The following SLC38A3 variants were observed in gnomAD, a reference collection of about 807,000 sequenced individuals.
The protein encoded by SLC38A3 is solute carrier family 38 member 3.
In SLC38A3, 17 loss-of-function variants were observed where a neutral mutation model predicts 59.5. That is an observed-to-expected ratio of 0.29 (90% CI 0.20 to 0.43). SLC38A3 has a LOEUF of 0.43. SLC38A3 is among the 20% of genes least tolerant of loss of function. The pLI, the probability that SLC38A3 is intolerant of heterozygous loss-of-function variation, is 1.00. For synonymous variants in SLC38A3, 238 were observed against 260.3 expected, an observed-to-expected ratio of 0.91 and a Z score of 0.82; for missense variants, 454 against 653.9, an observed-to-expected ratio of 0.69 and a Z score of 3.33.
chr3:50,214,566 G>A lies in SLC38A3; in HGVS notation c.183+83G>A. The A allele has an allele frequency of 1.4e-6, 2 of 1,472,616 alleles. No individual in the cohort carries two copies. Among genetic ancestry groups the A allele is most frequent in the Non-Finnish European group, 1.9e-6 (2 of 1,072,670 alleles). The allele number at this position is 1,472,616 out of a possible 1,614,324, so 91.2% of individuals were successfully genotyped here. On this transcript the variant is annotated intron_variant, in intron 3 of 15. Coordinates refer to ENST00000614032, the MANE Select transcript of SLC38A3 (RefSeq NM_006841.6). This position sits in a 1 kb window ranked among gnomAD's most constrained non-coding sequence, Gnocchi z 6.0. ...GAGGTGGTCTCTGGCAGCAGTGGGAGGCTGAGGGACAGTCAGGGGAAGGCT... is the reference window on the plus strand; with the variant it reads ...GAGGTGGTCTCTGGCAGCAGTGGGAAGCTGAGGGACAGTCAGGGGAAGGCT...
In SLC38A3 at chr3:50,215,791, A is replaced by G. The variant is rs1699808829; in HGVS notation, c.518A>G (p.Gln173Arg). 6.3e-7 allele frequency: 1 copy of G among 1,592,930 alleles called. No homozygotes were observed. Among genetic ancestry groups the G allele is most frequent in the Admixed American group, 1.8e-5 (1 of 56,652 alleles). ...AAGTCTGAGCTGCCACTTGTCATAC[A>G]GACCTTCCTGAACCTGGAGGAGAAA... ...IIKSELPLVI[Q>R]TFLNLEEKTS... is the part of the protein sequence containing the mutation. Residue 173 changes from glutamine to arginine, a missense_variant, in exon 7 of 16, where the codon CAG becomes CGG. Physicochemically the swap from Gln to Arg is conservative, Grantham distance 43 (BLOSUM62 1). Around this residue, in one of 3 missense-constraint regions of SLC38A3, gnomAD observed 390 missense variants for 557.9 expected, o/e 0.70. Transcript: ENST00000614032. This position sits in a 1 kb window ranked among gnomAD's most constrained non-coding sequence, Gnocchi z 7.1.
Position 50,214,136 on chromosome 3 carries a change from G to A in SLC38A3, c.-51-13G>A, listed in dbSNP as rs1699779637. On this transcript the variant is annotated splice_polypyrimidine_tract_variant and intron_variant, in intron 1 of 15. Coordinates refer to ENST00000614032, the MANE Select transcript of SLC38A3 (RefSeq NM_006841.6). The surrounding 1 kb of genome is among the most constrained non-coding windows in gnomAD (Gnocchi z 6.0). ...AGTAACGGGGCTAACCAGAGGGACC[G>A]GCTGCTCTGCAGACATCTGACTGTT... 4 of 1,508,956 alleles carry A rather than the reference G, an allele frequency of 2.7e-6. No homozygotes were observed. Among genetic ancestry groups the A allele is most frequent in the Non-Finnish European group, 3.6e-6 (4 of 1,096,502 alleles). 93.5% of individuals were successfully genotyped at this position (1,508,956 alleles called of 1,614,324 possible). A position where few individuals can be genotyped will look rare whatever the true frequency, so the allele number is the denominator to read the frequency against.
rs1699883730 is a variant in SLC38A3 at position 50,220,633 on chromosome 3, C to T, written c.*456C>T. On this transcript the variant is annotated 3_prime_UTR_variant, in exon 16 of 16. Coordinates refer to ENST00000614032, the MANE Select transcript of SLC38A3 (RefSeq NM_006841.6). ...CCACTTGTTTTCCCCCCTTTTATTC[C>T]CTAGGCCCTTTTCAGACTCCTGGGC... 5.0e-6 allele frequency: 1 copy of T among 200,448 alleles called. No individual in the cohort carries two copies. The highest frequency in any genetic ancestry group is 2.3e-5 in the African/African-American group (1 of 43,464). The allele number at this position is 200,448 out of a possible 1,614,324, so 12.4% of individuals were successfully genotyped here.
Position 50,214,168 on chromosome 3 carries a change from A to T in SLC38A3, c.-32A>T. ...CTGCAGACATCTGACTGTTGGTGTG[A>T]GACCAGTGCTCCTGGTGGTGTGCCC... On this transcript the variant is annotated 5_prime_UTR_variant, in exon 2 of 16. Coordinates refer to ENST00000614032, the MANE Select transcript of SLC38A3 (RefSeq NM_006841.6). The surrounding 1 kb of genome is among the most constrained non-coding windows in gnomAD (Gnocchi z 6.0). The T allele has an allele frequency of 6.3e-7, 1 of 1,588,126 alleles. No individual in the cohort carries two copies. The highest frequency in any genetic ancestry group is 2.2e-5 in the East Asian group (1 of 44,680).
intron 1 of SLC38A3, among the ~76,000 whole-genome samples, chr3:50,206,858 A>C (rs962764101): frequency 3.9e-5 from 6 of 152,176 alleles, no homozygotes; most frequent in Admixed American, 6.5e-5. Context: ...TGGTCCCCAC[A>C]CCAGTCCAGG....
Position 50,219,934 on chromosome 3 carries a change from C to T in SLC38A3, c.1360C>T (p.Arg454Ter). 6 of 1,613,464 alleles carry T rather than the reference C, an allele frequency of 3.7e-6. No individual in the cohort carries two copies. The highest frequency in any genetic ancestry group is 1.1e-5 in the South Asian group (1 of 90,922). ...CATCTTCCCTGCCATCTTCTACTTC[C>T]GAATCATGCCCACGGAGAAGGAGCC... ...IFIFPAIFYF[R>*]IMPTEKEPAR... is the part of the protein sequence containing the mutation. Residue 454 changes from arginine to a stop codon, truncating the protein, a stop_gained, in exon 15 of 16, where the codon CGA becomes TGA. Coordinates refer to ENST00000614032, the MANE Select transcript of SLC38A3 (RefSeq NM_006841.6). LOFTEE classifies it high-confidence loss of function.
In SLC38A3 at chr3:50,214,875, G is replaced by A. The variant is rs1432051567; in HGVS notation, c.299+107G>A. Reference sequence around the variant, plus strand: ...CTGTCCCAGCATCCAGGCTGCAGTGGGTGGGCACTTCTTACACTAACAAAC... The same window carrying A: ...CTGTCCCAGCATCCAGGCTGCAGTGAGTGGGCACTTCTTACACTAACAAAC... On this transcript the variant is annotated intron_variant, in intron 4 of 15. Coordinates refer to ENST00000614032, the MANE Select transcript of SLC38A3 (RefSeq NM_006841.6). The surrounding 1 kb of genome is among the most constrained non-coding windows in gnomAD (Gnocchi z 6.0). 2 of 748,094 alleles carry A rather than the reference G, an allele frequency of 2.7e-6. No homozygotes were observed. The highest frequency in any genetic ancestry group is 1.8e-5 in the African/African-American group (1 of 56,178). 46.3% of individuals were successfully genotyped at this position (748,094 alleles called of 1,614,324 possible). A position where few individuals can be genotyped will look rare whatever the true frequency, so the allele number is the denominator to read the frequency against.
intron 1 of SLC38A3, among the ~76,000 whole-genome samples, chr3:50,208,191 C>T (rs1176704110): frequency 6.6e-6 from 1 of 152,148 alleles, no homozygotes; most frequent in African/African-American, 2.4e-5. Context: ...ACTGCCCCCT[C>T]AGCTGGGCCC....
intron 1 of SLC38A3, among the ~76,000 whole-genome samples, chr3:50,208,777 G>A (rs1030831192): frequency 1.4e-4 from 22 of 152,166 alleles, no homozygotes; most frequent in South Asian, 4.1e-4. Context: ...ACCCTGGGCC[G>A]CTGCATCTCT....
chr3:50,209,101 C>T (rs1699687355), intron 1 of SLC38A3, among the ~76,000 whole-genome samples: 1 of 152,220 alleles, frequency 6.6e-6, no homozygotes. Flanking sequence ...GCAGGGTCTC[C>T]CCTGCCCCTG....
intron 1 of SLC38A3, among the ~76,000 whole-genome samples, chr3:50,211,994 A>T (rs1363432933): frequency 6.6e-6 from 1 of 152,186 alleles, no homozygotes; most frequent in Non-Finnish European, 1.5e-5. Context: ...TGTCTCTTCC[A>T]GGCTGGAGGT....
rs143416058 is a variant in SLC38A3 at position 50,218,606 on chromosome 3, G to A, written c.1050G>A (p.Ser350=). The A allele has an allele frequency of 2.2e-5, 35 of 1,612,926 alleles. No individual in the cohort carries two copies. The highest frequency in any genetic ancestry group is 3.3e-5 in the Admixed American group (2 of 60,018). ...TGCCTGCCACAGACGGGGTGGAGTCGGAGCTGCTGCACACCTACAGCAAGG... is the reference window on the plus strand; with the variant it reads ...TGCCTGCCACAGACGGGGTGGAGTCAGAGCTGCTGCACACCTACAGCAAGG... ...GYLTFYNGVE[S]ELLHTYSKVD... Residue 350 remains serine (S), a synonymous_variant, in exon 13 of 16, where the codon TCG becomes TCA. Coordinates refer to ENST00000614032, the MANE Select transcript of SLC38A3 (RefSeq NM_006841.6). This position sits in a 1 kb window ranked among gnomAD's most constrained non-coding sequence, Gnocchi z 5.8.
At chr3:50,216,139 C>G (rs1314243458) in intron 7 of SLC38A3, among the ~76,000 whole-genome samples, 1 of 152,218 alleles carries the variant, frequency 6.6e-6, no homozygotes, top group Non-Finnish European at 1.5e-5. Flanking sequence ...TAGCTCTAAG[C>G]GCCTGCTATT....
At chr3:50,212,623 C>G (rs571825750) in intron 1 of SLC38A3, among the ~76,000 whole-genome samples, 1 of 152,288 alleles carries the variant, frequency 6.6e-6, no homozygotes, top group African/African-American at 2.4e-5. Flanking sequence ...ATCCAGGTGC[C>G]AGAATCTGAA....
intron 14 of SLC38A3, among the ~76,000 whole-genome samples, 155 bp from the exon 15 acceptor site, chr3:50,219,726 A>T (rs1275317079): frequency 6.6e-6 from 1 of 152,138 alleles, no homozygotes; most frequent in Non-Finnish European, 1.5e-5. Context: ...AACAAGGGGG[A>T]GAGGCTGGTG....
chr3:50,213,973 T>C (rs923344036), intron 1 of SLC38A3, among the ~76,000 whole-genome samples, 176 bp from the exon 2 acceptor site: 1 of 152,016 alleles, frequency 6.6e-6, no homozygotes, highest in Non-Finnish European at 1.5e-5. Context: ...GGAACTCAGG[T>C]GTCTGAGCTG....
In SLC38A3 at chr3:50,218,246, A is replaced by T; in HGVS notation, c.936-24A>T. ...CAATGTTACCCAGCTTGTCACCAAC[A>T]CCCACCCCCCCACTTCCCCACAGCC... is the stretch of plus-strand genomic sequence containing the variant. On this transcript the variant is annotated intron_variant, in intron 11 of 15. Coordinates refer to ENST00000614032, the MANE Select transcript of SLC38A3 (RefSeq NM_006841.6). This position sits in a 1 kb window ranked among gnomAD's most constrained non-coding sequence, Gnocchi z 5.8. 4.6e-6 allele frequency: 6 copies of T among 1,312,826 alleles called. No individual in the cohort carries two copies. The highest frequency in any genetic ancestry group is 6.6e-6 in the Non-Finnish European group (6 of 905,178). 81.3% of individuals were successfully genotyped at this position (1,312,826 alleles called of 1,614,324 possible). A position where few individuals can be genotyped will look rare whatever the true frequency, so the allele number is the denominator to read the frequency against.
At chr3:50,212,725 C>T (rs536290833) in intron 1 of SLC38A3, among the ~76,000 whole-genome samples, 29 of 152,248 alleles carry the variant, frequency 1.9e-4, no homozygotes, top group African/African-American at 6.5e-4. Flanking sequence ...CCTCCAGGGG[C>T]ACCAGGCCTG....
intron 14 of SLC38A3, 109 bp from the exon 15 acceptor site, chr3:50,219,772 C>T (rs587773701): frequency 2.2e-5 from 20 of 897,224 alleles, no homozygotes; most frequent in Non-Finnish European, 3.5e-5. Flanking sequence ...GTGGTCTCAA[C>T]ATGAAACTCC....
Sources: allele counts gnomAD v4.1 joint callset (sites outside exome capture counted in the v4.1 genomes callset), GRCh38; gene constraint gnomAD v4.1.1; regional missense constraint gnomAD v4.1.1; non-coding constraint Gnocchi (gnomAD v3.1); transcripts MANE v1.5; gene names NCBI Gene and HGNC (gene_info 2026-07-23, HGNC 2026-07-21).